Variants in ZNF680 observed in about 807,000 individuals in gnomAD.
ZNF680 encodes the protein zinc finger protein 680.
In ZNF680, 6 loss-of-function variants were observed where a neutral mutation model predicts 12.1. The observed-to-expected ratio is 0.49, with a 90% CI of 0.27 to 0.98. ZNF680 has a LOEUF of 0.98. Among genes scored for constraint, ZNF680 ranks in the 50% least tolerant of loss-of-function variants. The pLI is 0.12. For synonymous variants in ZNF680, 170 were observed against 199.3 expected, an observed-to-expected ratio of 0.85 and a Z score of 1.24; for missense variants, 561 against 616.3, an observed-to-expected ratio of 0.91 and a Z score of 0.95.
At chr7:64,528,189 G>A (rs1040766350) in intron 3 of ZNF680, among the ~76,000 whole-genome samples, 1 of 152,058 alleles carries the variant, frequency 6.6e-6, no homozygotes, top group African/African-American at 2.4e-5. Context: ...TTCCTTCCTG[G>A]CATCACAAGG....
intron 3 of ZNF680, among the ~76,000 whole-genome samples, chr7:64,534,333 CA>C (rs1006858551): frequency 1.3e-5 from 2 of 152,218 alleles, no homozygotes; most frequent in African/African-American, 4.8e-5. Flanking sequence ...CAAACAATCC[CA>C]TCGAAAAGTG....
the ZNF680 span, among the ~76,000 whole-genome samples, chr7:64,512,457 C>CA: frequency 0.059 from 5,117 of 86,972 alleles, 253 homozygotes; most frequent in African/African-American, 0.15. Flanking sequence ...CCGTCTCCAG[C>CA]AAAAAAAAAA....
intron 1 of ZNF680, among the ~76,000 whole-genome samples, chr7:64,545,981 T>C (rs969117155): frequency 6.6e-6 from 1 of 152,312 alleles, no homozygotes; most frequent in Admixed American, 6.5e-5. Flanking sequence ...GAATTCTGCA[T>C]GGCACATAAG....
At chr7:64,515,526 A>G (rs894123537), downstream of ZNF680, among the ~76,000 whole-genome samples, 1 of 152,260 alleles carries the variant, frequency 6.6e-6, no homozygotes, top group East Asian at 1.9e-4. Flanking sequence ...TCCCCAGCCC[A>G]TGAGTCATTG....
At chr7:64,542,181 C>A (rs1354690543) in intron 3 of ZNF680, among the ~76,000 whole-genome samples, 1 of 152,132 alleles carries the variant, frequency 6.6e-6, no homozygotes, top group Non-Finnish European at 1.5e-5. Flanking sequence ...CCAAGCTACG[C>A]CCCTCTCCAC....
At chr7:64,530,874 AAATAATAATAATAATAATAGT>A (rs1785832780) in intron 3 of ZNF680, among the ~76,000 whole-genome samples, 1 of 147,340 alleles carries the variant, frequency 6.8e-6, no homozygotes, top group Non-Finnish European at 1.5e-5. Context: ...AAAAATTTAA[AAATAATAATAATAATAATAGT>A]AATAATAATA....
the ZNF680 span, among the ~76,000 whole-genome samples, chr7:64,506,440 G>A: frequency 2.0e-5 from 3 of 151,786 alleles, no homozygotes; most frequent in South Asian, 2.1e-4. Flanking sequence ...CACCTGCCTC[G>A]GCCTCCCAAA....
intron 3 of ZNF680, among the ~76,000 whole-genome samples, chr7:64,526,695 T>C (rs988422162): frequency 6.6e-6 from 1 of 152,168 alleles, no homozygotes; most frequent in African/African-American, 2.4e-5. Context: ...AGTTATTCTA[T>C]ATGAGAAACT....
chr7:64,543,874 T>C lies in ZNF680; in HGVS notation c.158-72A>G, dbSNP rs75088143. On this transcript the variant is annotated intron_variant, in intron 2 of 3. Coordinates refer to ENST00000309683, the MANE Select transcript of ZNF680 (RefSeq NM_178558.5). ...ATTACCAAACTACTAATGTGCTCAG[T>C]AAAGAGAATGTCATAGCATATTCTA... is the stretch of plus-strand genomic sequence containing the variant. 5,190 of 1,272,338 alleles carry C rather than the reference T, an allele frequency of 4.1e-3. 153 individuals are homozygous for C. In the African/African-American group the frequency reaches 0.063, roughly 16 times the overall value. The allele number at this position is 1,272,338 out of a possible 1,614,324, so 78.8% of individuals were successfully genotyped here.
intron 1 of ZNF680, among the ~76,000 whole-genome samples, chr7:64,556,426 CAA>C: frequency 1.3e-5 from 2 of 152,144 alleles, no homozygotes; most frequent in East Asian, 3.9e-4. Flanking sequence ...GATACTGGTA[CAA>C]ACACAGACTA....
the ZNF680 span, among the ~76,000 whole-genome samples, chr7:64,509,739 T>A: frequency 6.6e-6 from 1 of 152,086 alleles, no homozygotes; most frequent in Non-Finnish European, 1.5e-5. Flanking sequence ...TAAGTGTAAC[T>A]AAATCCTGCC....
intron 3 of ZNF680, among the ~76,000 whole-genome samples, chr7:64,536,975 T>G (rs192720284): frequency 6.6e-6 from 1 of 152,052 alleles, no homozygotes; most frequent in African/African-American, 2.4e-5. Flanking sequence ...GGAGCTGAGG[T>G]GGAAGGATCA....
At position 64,556,719 on chromosome 7, in the gene ZNF680, A is replaced by G. The variant is rs1460053324; in HGVS notation, c.30+6206T>C. Among the ~76,000 whole-genome samples the G allele has an allele frequency of 2.6e-5, 4 of 152,220 alleles. No individual in the cohort carries two copies. The East Asian group carries it at 7.7e-4, about 29-fold the overall frequency. On this transcript the variant is annotated intron_variant, in intron 1 of 3. Transcript: ENST00000309683. ...TAAAAAATACCTATGTCAATTGGAT[A>G]AAGAAAATATTATTGACATAGGAAC...
intron 1 of ZNF680, among the ~76,000 whole-genome samples, chr7:64,546,937 C>G (rs1017425353): frequency 1.3e-5 from 2 of 152,100 alleles, no homozygotes; most frequent in Non-Finnish European, 2.9e-5. Context: ...ACCCCTCATA[C>G]TTGACTCTGT....
At chr7:64,515,738 C>CT (rs1276534451), downstream of ZNF680, among the ~76,000 whole-genome samples, 1 of 152,184 alleles carries the variant, frequency 6.6e-6, no homozygotes, top group Non-Finnish European at 1.5e-5. Context: ...TATAAAATGC[C>CT]TTTATCCTTT....
chr7:64,544,644 A>G (rs1035429199), intron 1 of ZNF680, among the ~76,000 whole-genome samples: 1 of 152,366 alleles, frequency 6.6e-6, no homozygotes, highest in East Asian at 1.9e-4. Context: ...AGAGAACAGC[A>G]TAAGATCCAC....
At chr7:64,545,072 A>C (rs1320074990) in intron 1 of ZNF680, among the ~76,000 whole-genome samples, 1 of 152,050 alleles carries the variant, frequency 6.6e-6, no homozygotes, top group Non-Finnish European at 1.5e-5. Context: ...CAGCCTGGCC[A>C]ACATGGCGAA....
the ZNF680 span, among the ~76,000 whole-genome samples, chr7:64,501,900 C>T: frequency 4.1e-4 from 62 of 151,974 alleles, no homozygotes; most frequent in South Asian, 0.012. Context: ...ATTTCACCTC[C>T]TTTGACACTC....
intron 1 of ZNF680, among the ~76,000 whole-genome samples, chr7:64,560,394 G>A (rs1158680238): frequency 1.3e-5 from 2 of 152,076 alleles, no homozygotes; most frequent in Non-Finnish European, 2.9e-5. Flanking sequence ...GATTACAGGC[G>A]TGTGCCACTG....
Sources: allele counts gnomAD v4.1 joint callset (sites outside exome capture counted in the v4.1 genomes callset), GRCh38; gene constraint gnomAD v4.1.1; transcripts MANE v1.5; gene names NCBI Gene and HGNC (gene_info 2026-07-23, HGNC 2026-07-21).